BCAS3: variants seen among roughly 807,000 people sequenced by gnomAD.
BCAS3 encodes the protein BCAS3 microtubule associated cell migration factor, also known as BCAS4/BCAS3 fusion.
In BCAS3, 53 loss-of-function variants were observed where a neutral mutation model predicts 116.1. The observed-to-expected ratio is 0.46, with a 90% CI of 0.37 to 0.57. The LOEUF (loss-of-function observed/expected upper bound fraction) is 0.57. BCAS3 is among the 20% of genes least tolerant of loss of function. The pLI is 0.00. For synonymous variants in BCAS3, 391 were observed against 408.2 expected, an observed-to-expected ratio of 0.96 and a Z score of 0.51; for missense variants, 917 against 1,165.4, an observed-to-expected ratio of 0.79 and a Z score of 3.10.
chr17:61,262,770 G>A (rs766393214), intron 22 of BCAS3, among the ~76,000 whole-genome samples: 4 of 146,680 alleles, frequency 2.7e-5, no homozygotes, highest in South Asian at 2.2e-4. Context: ...TTGACTCACC[G>A]CAACCTCTGC....
rs1016483165 is a variant in BCAS3, at chr17:60,962,314, G to C, written c.1221+14962G>C. On this transcript the variant is annotated intron_variant, in intron 14 of 23. Coordinates refer to ENST00000407086, the MANE Select transcript of BCAS3 (RefSeq NM_017679.5). The surrounding 1 kb of genome is among the most constrained non-coding windows in gnomAD (Gnocchi z 4.4). ...TACATTTCCACCAGCAGTGTGCAAGGGTCTCTTCTCCACATTCTCACCAGC... is the reference window on the plus strand; with the variant it reads ...TACATTTCCACCAGCAGTGTGCAAGCGTCTCTTCTCCACATTCTCACCAGC... Among the ~76,000 whole-genome samples, 1 of 152,006 alleles carries C rather than the reference G, an allele frequency of 6.6e-6. No individual in the cohort carries two copies. The highest frequency in any genetic ancestry group is 2.4e-5 in the African/African-American group (1 of 41,402).
intron 3 of BCAS3, among the ~76,000 whole-genome samples, chr17:60,687,362 G>T (rs1267113134): frequency 6.6e-6 from 1 of 152,202 alleles, no homozygotes; most frequent in Non-Finnish European, 1.5e-5. Context: ...CCAGCACTTT[G>T]GGAGGCCTAG....
rs1425214347 is a variant in BCAS3, at chr17:61,132,215, T to A, written c.2425+47651T>A. ...CTATAATTACCTTCCCTTCTTCTTATTTTTACAAGACAGAATGCCAGCAGA... is the reference window on the plus strand; with the variant it reads ...CTATAATTACCTTCCCTTCTTCTTAATTTTACAAGACAGAATGCCAGCAGA... On this transcript the variant is annotated intron_variant, in intron 22 of 23. Transcript: ENST00000407086. This position sits in a 1 kb window ranked among gnomAD's most constrained non-coding sequence, Gnocchi z 5.1. Among the ~76,000 whole-genome samples, 1 of 152,236 alleles carries A rather than the reference T, an allele frequency of 6.6e-6. No individual in the cohort carries two copies.
At chr17:60,939,310 G>A (rs1407143700) in intron 13 of BCAS3, among the ~76,000 whole-genome samples, 2 of 152,046 alleles carry the variant, frequency 1.3e-5, no homozygotes, top group Admixed American at 6.6e-5. Context: ...ACAAACCCCT[G>A]CAATCCCAGC....
chr17:60,737,254 T>A (rs893214886), intron 5 of BCAS3, among the ~76,000 whole-genome samples: 2 of 152,130 alleles, frequency 1.3e-5, no homozygotes, highest in Non-Finnish European at 2.9e-5. Flanking sequence ...CTCTTTCATT[T>A]CTAATATTAG....
intron 15 of BCAS3, among the ~76,000 whole-genome samples, chr17:60,992,189 T>TCCACACACACACAC (rs1555654103): frequency 4.6e-5 from 6 of 130,650 alleles, no homozygotes; most frequent in East Asian, 2.2e-4. Flanking sequence ...TCCGATGACT[T>TCCACACACACACAC]ACACACACAC....
chr17:61,136,166 C>T lies in BCAS3; in HGVS notation c.2425+51602C>T, dbSNP rs556325341. The stretch of plus-strand genomic sequence containing the variant: ...CTTTGCACCTATTTAAATGTTTTCC[C>T]GTGCTCTTCCCTCTACATAAAATCA... On this transcript the variant is annotated intron_variant, in intron 22 of 23. Coordinates refer to ENST00000407086, the MANE Select transcript of BCAS3 (RefSeq NM_017679.5). This position sits in a 1 kb window ranked among gnomAD's most constrained non-coding sequence, Gnocchi z 4.4. Among the ~76,000 whole-genome samples, 6 of 152,310 alleles carry T rather than the reference C, an allele frequency of 3.9e-5. No homozygotes were observed. The East Asian group carries it at 9.6e-4, about 24-fold the overall frequency.
chr17:61,274,132 C>T (rs2050569160), intron 22 of BCAS3, among the ~76,000 whole-genome samples: 1 of 151,410 alleles, frequency 6.6e-6, no homozygotes, highest in African/African-American at 2.4e-5. Flanking sequence ...ACAACAGTCC[C>T]CGGTGTGTGA....
chr17:61,131,413 T>A lies in BCAS3; in HGVS notation c.2425+46849T>A, dbSNP rs2076334840. 6.6e-6 allele frequency among the ~76,000 whole-genome samples: 1 copy of A among 152,198 alleles called. No individual in the cohort carries two copies. The highest frequency in any genetic ancestry group is 6.5e-5 in the Admixed American group (1 of 15,284). ...GCCTTGGGCTTATTAAGTTTTGAATTAGGTATGAAAATTATTAAGCCAGGG... is the reference window on the plus strand; with the variant it reads ...GCCTTGGGCTTATTAAGTTTTGAATAAGGTATGAAAATTATTAAGCCAGGG... On this transcript the variant is annotated intron_variant, in intron 22 of 23. Coordinates refer to ENST00000407086, the MANE Select transcript of BCAS3 (RefSeq NM_017679.5). The surrounding 1 kb of genome is among the most constrained non-coding windows in gnomAD (Gnocchi z 4.4).
At chr17:61,209,717 C>T (rs186573728) in intron 22 of BCAS3, among the ~76,000 whole-genome samples, 3 of 152,210 alleles carry the variant, frequency 2.0e-5, no homozygotes, top group East Asian at 1.9e-4. Context: ...TGTTCCTGTG[C>T]GGTGCTGTAA....
At chr17:60,908,610 C>A (rs1157231885) in intron 11 of BCAS3, among the ~76,000 whole-genome samples, 1 of 152,160 alleles carries the variant, frequency 6.6e-6, no homozygotes, top group African/African-American at 2.4e-5. Flanking sequence ...AACACTCCAA[C>A]AGACTTTGTG....
rs577426677 is a variant in BCAS3, at chr17:61,251,305, C to T, written c.2426-117022C>T. Among the ~76,000 whole-genome samples, 37 of 152,314 alleles carry T rather than the reference C, an allele frequency of 2.4e-4. 1 individual carries two copies. The South Asian group carries it at 7.7e-3, about 32-fold the overall frequency. ...AAAGACTGGGCTGGGTGTGGTGGCT[C>T]ATGCCTGTAATCCCAGCACTCTGGG... is the stretch of plus-strand genomic sequence containing the variant. On this transcript the variant is annotated intron_variant, in intron 22 of 23. Transcript: ENST00000407086. The surrounding 1 kb of genome is among the most constrained non-coding windows in gnomAD (Gnocchi z 4.7).
chr17:60,972,444 C>CTTT (rs150860541), intron 14 of BCAS3, among the ~76,000 whole-genome samples: 110 of 114,058 alleles, frequency 9.6e-4, no homozygotes, highest in African/African-American at 2.9e-3. Context: ...CTCACTTGGC[C>CTTT]TTTTTTTTTT....
chr17:60,689,072 C>T (rs1261762874), intron 3 of BCAS3: 1 of 152,164 alleles, frequency 6.6e-6, no homozygotes, highest in Admixed American at 6.6e-5. Context: ...GTTTTCTAAG[C>T]CTTATTTGTT....
chr17:60,851,444 G>A (rs1599156579), intron 7 of BCAS3: 1 of 469,880 alleles, frequency 2.1e-6, no homozygotes, highest in Non-Finnish European at 4.3e-6. Flanking sequence ...AGAGGAGATC[G>A]CCGCGGTTGT....
intron 22 of BCAS3, among the ~76,000 whole-genome samples, chr17:61,150,690 T>A (rs573119585): frequency 6.6e-6 from 1 of 152,244 alleles, no homozygotes; most frequent in Non-Finnish European, 1.5e-5. Context: ...TAACTTCTCA[T>A]AATTAGATTT....
At position 61,325,968 on chromosome 17, in the gene BCAS3, G is replaced by C. The variant is rs979293971; in HGVS notation, c.2426-42359G>C. On this transcript the variant is annotated intron_variant, in intron 22 of 23. Transcript: ENST00000407086. The surrounding 1 kb of genome is among the most constrained non-coding windows in gnomAD (Gnocchi z 6.4). ...TCGGCAGAGAACAGAGTGAAAAATC[G>C]TGTTGTCATACATTACTAAGCACCC... Among the ~76,000 whole-genome samples the C allele has an allele frequency of 6.6e-6, 1 of 152,152 alleles. No individual in the cohort carries two copies. The highest frequency in any genetic ancestry group is 1.5e-5 in the Non-Finnish European group (1 of 68,028).
At chr17:61,176,435 A>G (rs966773634) in intron 22 of BCAS3, among the ~76,000 whole-genome samples, 1 of 151,090 alleles carries the variant, frequency 6.6e-6, no homozygotes, top group African/African-American at 2.4e-5. Context: ...TAGTAAAAGA[A>G]AAAATGAACC....
intron 22 of BCAS3, among the ~76,000 whole-genome samples, chr17:61,207,789 GC>G (rs937140175): frequency 1.3e-5 from 2 of 152,034 alleles, no homozygotes; most frequent in Admixed American, 6.6e-5. Flanking sequence ...CTCACAGAGT[GC>G]CCATTTTTCA....
Sources: gnomAD v4.1 joint callset for allele counts (sites outside exome capture counted in the v4.1 genomes callset) on GRCh38, gnomAD v4.1.1 for gene constraint, Gnocchi (gnomAD v3.1) non-coding constraint, MANE v1.5 for transcripts, NCBI Gene and HGNC (gene_info 2026-07-23, HGNC 2026-07-21) for gene names.